The following SORBS2 variants were observed in gnomAD, a reference collection of about 807,000 sequenced individuals.
SORBS2 encodes the protein sorbin and SH3 domain containing 2.
In SORBS2, 46 loss-of-function variants were observed where a neutral mutation model predicts 97.7. That is an observed-to-expected ratio of 0.47 (90% CI 0.37 to 0.60). SORBS2 has a LOEUF of 0.60. Among genes scored for constraint, SORBS2 ranks in the 20% least tolerant of loss-of-function variants. The pLI is 0.00. For synonymous variants in SORBS2, 476 were observed against 473.4 expected (o/e 1.01, Z -0.07); for missense variants, 1,316 against 1,282.3 (o/e 1.03, Z -0.40).
intron 1 of SORBS2, among the ~76,000 whole-genome samples, chr4:185,877,232 T>G (rs1229977598): frequency 6.6e-6 from 1 of 152,172 alleles, no homozygotes; most frequent in East Asian, 1.9e-4. Flanking sequence ...ATTATTATAA[T>G]TTACCATCTA....
chr4:185,857,429 T>C (rs549954838), intron 1 of SORBS2, among the ~76,000 whole-genome samples: 21 of 152,282 alleles, frequency 1.4e-4, no homozygotes, highest in African/African-American at 5.1e-4. Context: ...GTGTTAACTG[T>C]ACAAATTGTT....
intron 1 of SORBS2, among the ~76,000 whole-genome samples, chr4:185,916,419 G>A (rs1324517551): frequency 6.6e-6 from 1 of 152,196 alleles, no homozygotes; most frequent in Non-Finnish European, 1.5e-5. Flanking sequence ...GCCCACAGTT[G>A]CTTTTGAGTG....
intron 1 of SORBS2, among the ~76,000 whole-genome samples, chr4:185,827,147 C>T (rs1043294502): frequency 2.7e-4 from 8 of 29,770 alleles, no homozygotes; most frequent in Admixed American, 3.8e-4. Context: ...ATCACCATTG[C>T]CATCATCATC....
At chr4:185,821,376 T>C (rs1341844069) in intron 1 of SORBS2, among the ~76,000 whole-genome samples, 1 of 152,170 alleles carries the variant, frequency 6.6e-6, no homozygotes, top group Non-Finnish European at 1.5e-5. Context: ...GGTAAGAACT[T>C]TGGGCCTTAT....
At chr4:185,906,175 T>A (rs10002348) in intron 1 of SORBS2, among the ~76,000 whole-genome samples, 112,210 of 152,050 alleles carry the variant, frequency 0.74, 41,494 homozygotes, top group Middle Eastern at 0.85. Flanking sequence ...CTGGGACTAC[T>A]GGCATGCACC....
intron 2 of SORBS2, among the ~76,000 whole-genome samples, chr4:185,732,526 C>A (rs563752936): frequency 2.6e-4 from 39 of 152,302 alleles, no homozygotes; most frequent in African/African-American, 8.9e-4. Context: ...ATAGCCTGGA[C>A]CACATGGGTC....
chr4:185,637,101 T>A (rs2097022053), intron 4 of SORBS2, among the ~76,000 whole-genome samples: 1 of 152,242 alleles, frequency 6.6e-6, no homozygotes, highest in Non-Finnish European at 1.5e-5. Flanking sequence ...TTTCTTTCCT[T>A]ATATCCCTAA....
chr4:185,938,404 ACAC>A (rs2099270149), intron 1 of SORBS2, among the ~76,000 whole-genome samples: 2 of 150,620 alleles, frequency 1.3e-5, no homozygotes. Flanking sequence ...ACACACACAC[ACAC>A]ACACACACAC....
intron 1 of SORBS2, among the ~76,000 whole-genome samples, chr4:185,946,100 A>G (rs1407424218): frequency 7.1e-6 from 1 of 140,386 alleles, no homozygotes; most frequent in African/African-American, 2.7e-5. Flanking sequence ...TGGGGTTGAT[A>G]GGTGTGATGA....
intron 5 of SORBS2, among the ~76,000 whole-genome samples, chr4:185,629,343 AG>A (rs2096868280): frequency 1.3e-5 from 2 of 152,142 alleles, no homozygotes; most frequent in South Asian, 4.1e-4. Context: ...GAAGATAAAA[AG>A]GAGGGGTTCC....
At chr4:185,651,861 T>G in intron 2 of SORBS2, 33 bp from the exon 11 acceptor site, 1 of 1,062,862 alleles carries the variant, frequency 9.4e-7, no homozygotes, top group Non-Finnish European at 1.5e-6. Context: ...TATGGTAATA[T>G]AGATTGTCAC....
intron 1 of SORBS2, among the ~76,000 whole-genome samples, chr4:185,863,364 A>G (rs571785008): frequency 6.6e-6 from 1 of 152,238 alleles, no homozygotes; most frequent in South Asian, 2.1e-4. Context: ...AGACAGGTAC[A>G]TGGATGGATC....
At chr4:185,815,757 T>TA (rs2099192930) in intron 1 of SORBS2, among the ~76,000 whole-genome samples, 1 of 152,234 alleles carries the variant, frequency 6.6e-6, no homozygotes, top group South Asian at 2.1e-4. Flanking sequence ...ATCTATCATC[T>TA]GTGTATCATC....
At chr4:185,624,797 C>A (rs896481263) in intron 6 of SORBS2, among the ~76,000 whole-genome samples, 5 of 152,224 alleles carry the variant, frequency 3.3e-5, no homozygotes, top group Admixed American at 3.3e-4. Context: ...ATTCATACAC[C>A]TTTCTGACAA....
At chr4:185,704,542 T>C (rs2098312550) in intron 2 of SORBS2, among the ~76,000 whole-genome samples, 2 of 151,816 alleles carry the variant, frequency 1.3e-5, no homozygotes, top group African/African-American at 2.4e-5. Context: ...TAGTCTCGAG[T>C]TCCTGACCTC....
In SORBS2 at chr4:185,868,147, C is replaced by CTTTCTTTCTTTTTTTTTTTTTTTTTT. The variant is rs1288748201; in HGVS notation, c.-338+88048_-338+88049insAAAAAAAAAAAAAAAAAAGAAAGAAA. Among the ~76,000 whole-genome samples the CTTTCTTTCTTTTTTTTTTTTTTTTTT allele has an allele frequency of 2.9e-4, 26 of 89,788 alleles. 4 individuals carry two copies. Among genetic ancestry groups the CTTTCTTTCTTTTTTTTTTTTTTTTTT allele is most frequent in the South Asian group, 9.8e-4 (3 of 3,070 alleles). The allele number at this position is 89,788 out of a possible 152,430, so 58.9% of individuals were successfully genotyped here. ...TCTACTTTCCTTTCTCTTTTCTTTTCTTTTTTTCTTTCTTTTTTTTTTTTT... is the reference window on the plus strand; with the variant it reads ...TCTACTTTCCTTTCTCTTTTCTTTTCTTTCTTTCTTTTTTTTTTTTTTTTTTTTTTTTTCTTTCTTTTTTTTTTTTT... On this transcript the variant is annotated intron_variant, in intron 1 of 20. Coordinates refer to the SORBS2 transcript ENST00000284776.
chr4:185,824,955 G>A (rs1345899172), intron 1 of SORBS2, among the ~76,000 whole-genome samples: 2 of 152,156 alleles, frequency 1.3e-5, no homozygotes, highest in Non-Finnish European at 2.9e-5. Flanking sequence ...TGATCAGGGG[G>A]CTTCCAGGTT....
At chr4:185,855,232 C>T (rs1016800818) in intron 1 of SORBS2, among the ~76,000 whole-genome samples, 10 of 152,166 alleles carry the variant, frequency 6.6e-5, no homozygotes, top group East Asian at 1.9e-4. Flanking sequence ...CCTCTGAAGG[C>T]GTCAGGTTTA....
intron 2 of SORBS2, among the ~76,000 whole-genome samples, chr4:185,727,055 G>C (rs1583508412): frequency 2.6e-5 from 4 of 152,278 alleles, no homozygotes; most frequent in Admixed American, 2.6e-4. Context: ...CATTAAGTAC[G>C]CTTTGAACAG....
Sources: allele counts gnomAD v4.1 joint callset (sites outside exome capture counted in the v4.1 genomes callset), GRCh38; gene constraint gnomAD v4.1.1; transcripts MANE v1.5; gene names NCBI Gene and HGNC (gene_info 2026-07-23, HGNC 2026-07-21).